ICA1: variants seen among roughly 807,000 people sequenced by gnomAD.
ICA1 encodes the protein 69 kDa islet cell autoantigen.
Under a neutral mutation model 71.0 loss-of-function variants are expected in ICA1, and 40 were observed. That is an observed-to-expected ratio of 0.56 (90% CI 0.44 to 0.73). The LOEUF (loss-of-function observed/expected upper bound fraction) is 0.73, where lower values mean the gene tolerates loss of function less well. ICA1 is among the 30% of genes least tolerant of loss of function. The pLI, the probability that ICA1 is intolerant of heterozygous loss-of-function variation, is 0.00. For missense variants in ICA1, 578 were observed against 576.5 expected, an observed-to-expected ratio of 1.00 and a Z score of -0.03; for synonymous variants, 207 against 209.5, an observed-to-expected ratio of 0.99 and a Z score of 0.10.
chr7:8,220,083 T>A (rs1796586048), intron 5 of ICA1, among the ~76,000 whole-genome samples: 2 of 152,246 alleles, frequency 1.3e-5, no homozygotes, highest in Admixed American at 6.5e-5. Flanking sequence ...GTCTCTATTT[T>A]AAAATTTTTC....
chr7:8,208,237 G>A (rs1462246732), intron 6 of ICA1, among the ~76,000 whole-genome samples: 3 of 152,086 alleles, frequency 2.0e-5, no homozygotes, highest in African/African-American at 4.8e-5. Context: ...TGCAGTCACC[G>A]AAGTCTGTTT....
chr7:8,138,811 A>T (rs781492941), intron 12 of ICA1, 29 bp downstream of exon 12: 2 of 1,516,736 alleles, frequency 1.3e-6, no homozygotes, highest in Non-Finnish European at 1.8e-6. Context: ...CAAACAAATC[A>T]TAATCCCAAA....
Position 8,173,173 on chromosome 7 carries a change from T to C in ICA1, c.580-14521A>G, listed in dbSNP as rs555207319. Reference sequence around the variant, plus strand: ...CTGACTATCATGTCCCCTCTCTAAGTAACCAGGGCTCCTTGACAAAACTGC... The same window carrying C: ...CTGACTATCATGTCCCCTCTCTAAGCAACCAGGGCTCCTTGACAAAACTGC... On this transcript the variant is annotated intron_variant, in intron 6 of 13. Coordinates refer to ENST00000402384, the MANE Select transcript of ICA1 (RefSeq NM_001136020.3). The surrounding 1 kb of genome is among the most constrained non-coding windows in gnomAD (Gnocchi z 4.0). 6.6e-6 allele frequency among the ~76,000 whole-genome samples: 1 copy of C among 152,146 alleles called. No homozygotes were observed. Among genetic ancestry groups the C allele is most frequent in the Non-Finnish European group, 1.5e-5 (1 of 68,024 alleles).
rs1395608811 is a variant in ICA1 at position 8,222,255 on chromosome 7, C to T, written c.257-857G>A. On this transcript the variant is annotated intron_variant, in intron 4 of 13. Coordinates refer to ENST00000402384, the MANE Select transcript of ICA1 (RefSeq NM_001136020.3). The surrounding 1 kb of genome is among the most constrained non-coding windows in gnomAD (Gnocchi z 4.8). ...TACTAGGAACTAGTTTAATAAAATA[C>T]AGCATACCCACATAATGGTACAGTG... 6.6e-6 allele frequency among the ~76,000 whole-genome samples: 1 copy of T among 152,082 alleles called. No homozygotes were observed. The highest frequency in any genetic ancestry group is 1.5e-5 in the Non-Finnish European group (1 of 68,010).
chr7:8,257,954 T>A (rs1392328426), intron 1 of ICA1, among the ~76,000 whole-genome samples: 1 of 152,184 alleles, frequency 6.6e-6, no homozygotes, highest in Non-Finnish European at 1.5e-5. Context: ...CACATACACA[T>A]GGTTGGGAGT....
At chr7:8,232,530 T>G in intron 3 of ICA1, 60 bp downstream of exon 3, 1 of 1,475,166 alleles carries the variant, frequency 6.8e-7, no homozygotes, top group Non-Finnish European at 9.1e-7. Context: ...GTGAGTATAC[T>G]CTAGGACCTT....
rs139717556 is a variant in ICA1, at chr7:8,232,725, A to G, written c.48T>C (p.Tyr16=). The change falls in exon 3 of 14, where the codon TAT becomes TAC. Residue 16 remains tyrosine, a synonymous_variant. Coordinates refer to ENST00000402384, the MANE Select transcript of ICA1 (RefSeq NM_001136020.3). ...TATTTACAACTGACTTATCTTGAGC[A>G]TATCGATCCTGTAAGTCCCAGGGAT... The part of the protein sequence containing the change: ...CSYPWDLQDR[Y]AQDKSVVNKM... The G allele has an allele frequency of 2.2e-5, 36 of 1,606,866 alleles. No individual in the cohort carries two copies. The Admixed American group carries it at 3.6e-4, about 16-fold the overall frequency.
rs934811298 is a variant in ICA1 at position 8,226,818 on chromosome 7, G to A, written c.256+1783C>T. Reference sequence around the variant, plus strand: ...ATTATTCTAACCCTTTATATTACAAGATAATTATGAGCCTTCATGGTGTTC... The same window carrying A: ...ATTATTCTAACCCTTTATATTACAAAATAATTATGAGCCTTCATGGTGTTC... On this transcript the variant is annotated intron_variant, in intron 4 of 13. Transcript: ENST00000402384. The surrounding 1 kb of genome is among the most constrained non-coding windows in gnomAD (Gnocchi z 4.4). Among the ~76,000 whole-genome samples the A allele has an allele frequency of 2.9e-4, 44 of 152,172 alleles. No homozygotes were observed. Among genetic ancestry groups the A allele is most frequent in the African/African-American group, 8.4e-4 (35 of 41,456 alleles).
intron 6 of ICA1, among the ~76,000 whole-genome samples, chr7:8,174,916 A>G (rs1333614820): frequency 1.3e-5 from 2 of 152,160 alleles, no homozygotes; most frequent in African/African-American, 4.8e-5. Context: ...CCGAAGAATG[A>G]GTGAGAAAGA....
intron 6 of ICA1, among the ~76,000 whole-genome samples, chr7:8,201,960 C>A (rs1367606208): frequency 6.6e-6 from 1 of 152,130 alleles, no homozygotes; most frequent in African/African-American, 2.4e-5. Context: ...AGCAAGAAAC[C>A]GGGGGACAGG....
intron 1 of ICA1, among the ~76,000 whole-genome samples, chr7:8,250,543 G>T (rs534829641): frequency 6.6e-6 from 1 of 152,068 alleles, no homozygotes; most frequent in East Asian, 1.9e-4. Context: ...GATTTTTGAC[G>T]TGGACACGAT....
chr7:8,139,879 A>G (rs556097399), intron 10 of ICA1, among the ~76,000 whole-genome samples: 2 of 152,322 alleles, frequency 1.3e-5, no homozygotes, highest in African/African-American at 4.8e-5. Flanking sequence ...GAACAGCCTT[A>G]AAACTTGATT....
intron 12 of ICA1, 53 bp downstream of exon 12, chr7:8,138,787 G>A (rs1465153991): frequency 1.5e-6 from 2 of 1,351,786 alleles, no homozygotes; most frequent in African/African-American, 2.9e-5. Context: ...ATGTAAAAGA[G>A]TAATTTAAAA....
intron 4 of ICA1, among the ~76,000 whole-genome samples, chr7:8,221,838 C>T (rs886498722): frequency 2.6e-5 from 4 of 152,144 alleles, no homozygotes; most frequent in Non-Finnish European, 5.9e-5. Flanking sequence ...CATTCTATTC[C>T]ATTGTAAAGC....
At chr7:8,159,960 G>A (rs1803138750) in intron 6 of ICA1, among the ~76,000 whole-genome samples, 2 of 152,036 alleles carry the variant, frequency 1.3e-5, no homozygotes, top group African/African-American at 4.8e-5. Context: ...ATAGGTTACT[G>A]AGAGTTGGAA....
intron 12 of ICA1, among the ~76,000 whole-genome samples, chr7:8,138,497 C>A (rs1424338247): frequency 6.6e-6 from 1 of 152,138 alleles, no homozygotes; most frequent in Non-Finnish European, 1.5e-5. Flanking sequence ...AAGTATGAAG[C>A]AAATCACTTA....
In ICA1 at chr7:8,126,550, C is replaced by CT. The variant is rs541088534; in HGVS notation, c.1330+1322dup. On this transcript the variant is annotated intron_variant, in intron 13 of 13. Transcript: ENST00000402384. Reference sequence around the variant, plus strand: ...CATGTATTTCATTTAAAAAAAAAGACTTTTTTTTTTGTCTTGCCCACCAAC... The same window carrying CT: ...CATGTATTTCATTTAAAAAAAAAGACTTTTTTTTTTTGTCTTGCCCACCAAC... Among the ~76,000 whole-genome samples, 413 of 148,454 alleles carry CT rather than the reference C, an allele frequency of 2.8e-3. 6 individuals carry two copies. The East Asian group carries it at 0.049, about 18-fold the overall frequency.
In ICA1 at chr7:8,132,297, A is replaced by G. The variant is rs1434274211; in HGVS notation, c.1061-4155T>C. Among the ~76,000 whole-genome samples the G allele has an allele frequency of 2.0e-5, 3 of 151,962 alleles. No individual in the cohort carries two copies. Among genetic ancestry groups the G allele is most frequent in the Non-Finnish European group, 4.4e-5 (3 of 67,984 alleles). ...CAGCACCTTTAGTCTTTCATTTTCC[A>G]ATGCTTCCTTCCCCTAGCCGCAGGA... is the stretch of plus-strand genomic sequence containing the variant. On this transcript the variant is annotated intron_variant, in intron 12 of 13. Transcript: ENST00000402384. The surrounding 1 kb of genome is among the most constrained non-coding windows in gnomAD (Gnocchi z 4.5).
intron 6 of ICA1, among the ~76,000 whole-genome samples, chr7:8,195,306 G>A (rs1412210427): frequency 3.3e-5 from 5 of 152,160 alleles, no homozygotes; most frequent in African/African-American, 9.7e-5. Context: ...GATGAGGTGG[G>A]CAGATCCCTG....
Sources: gnomAD v4.1 joint callset for allele counts (sites outside exome capture counted in the v4.1 genomes callset) on GRCh38, gnomAD v4.1.1 for gene constraint, Gnocchi (gnomAD v3.1) non-coding constraint, MANE v1.5 for transcripts, NCBI Gene and HGNC (gene_info 2026-07-23, HGNC 2026-07-21) for gene names.